The following MRAP2 variants were observed in gnomAD, a reference collection of about 807,000 sequenced individuals.
MRAP2 encodes the protein melanocortin 2 receptor accessory protein 2, also known as melanocortin-2 receptor accessory protein 2.
Under a neutral mutation model 17.4 loss-of-function variants are expected in MRAP2, and 20 were observed. The ratio of observed to expected loss-of-function variants is 1.15; its 90% CI spans 0.81 to 1.67. MRAP2 has a LOEUF of 1.67. Among genes scored for constraint, MRAP2 ranks in the 40% most tolerant of loss-of-function variants. The pLI is 0.00. For synonymous variants in MRAP2, 96 were observed against 88.4 expected, an observed-to-expected ratio of 1.09 and a Z score of -0.48; for missense variants, 238 against 240.0, an observed-to-expected ratio of 0.99 and a Z score of 0.05.
the MRAP2 span, among the ~76,000 whole-genome samples, chr6:84,110,419 C>T: frequency 1.3e-5 from 2 of 152,074 alleles, no homozygotes; most frequent in Admixed American, 6.5e-5. Flanking sequence ...TATCCTTCAC[C>T]CACTTTTTGA....
the MRAP2 span, chr6:84,125,173 CG>C: frequency 6.2e-7 from 1 of 1,613,540 alleles, no homozygotes. Flanking sequence ...TAGTTCTGTG[CG>C]GAACTTCTCC....
At chr6:84,145,815 T>C in the MRAP2 span, among the ~76,000 whole-genome samples, 1 of 152,174 alleles carries the variant, frequency 6.6e-6, no homozygotes, top group Non-Finnish European at 1.5e-5. Flanking sequence ...TAACTAGACA[T>C]ACTCAAACTG....
chr6:84,124,867 T>G, the MRAP2 span: 1 of 569,602 alleles, frequency 1.8e-6, no homozygotes, highest in Non-Finnish European at 3.0e-6. Context: ...AAAATGAGAC[T>G]GGTTAATGAT....
At chr6:84,114,452 G>T in the MRAP2 span, among the ~76,000 whole-genome samples, 1 of 151,958 alleles carries the variant, frequency 6.6e-6, no homozygotes, top group African/African-American at 2.4e-5. Flanking sequence ...TCTCTAAACT[G>T]GTCATTCTAG....
At chr6:84,141,729 CTG>C in the MRAP2 span, among the ~76,000 whole-genome samples, 1 of 152,150 alleles carries the variant, frequency 6.6e-6, no homozygotes, top group Non-Finnish European at 1.5e-5. Flanking sequence ...AAACAGAACA[CTG>C]TCTCAGGGAA....
the MRAP2 span, chr6:84,124,932 A>T: frequency 1.4e-6 from 1 of 701,358 alleles, no homozygotes; most frequent in Non-Finnish European, 2.4e-6. Flanking sequence ...AAGGCAATTT[A>T]TTTTGAAATG....
the MRAP2 span, among the ~76,000 whole-genome samples, chr6:84,099,274 C>T: frequency 1.3e-4 from 19 of 149,790 alleles, no homozygotes; most frequent in South Asian, 4.2e-4. Context: ...TGCAACTTTA[C>T]TGAAAATCAG....
At chr6:84,037,875 A>G (rs1054079007) in intron 1 of MRAP2, among the ~76,000 whole-genome samples, 8 of 152,144 alleles carry the variant, frequency 5.3e-5, no homozygotes, top group Non-Finnish European at 1.2e-4. Flanking sequence ...CGGCCAGCCC[A>G]GAGAGGGGCT....
chr6:84,110,909 G>A, the MRAP2 span, among the ~76,000 whole-genome samples: 2 of 152,172 alleles, frequency 1.3e-5, no homozygotes, highest in African/African-American at 4.8e-5. Context: ...TCAGATGGTT[G>A]TAGATGTGTG....
intron 1 of MRAP2, among the ~76,000 whole-genome samples, chr6:84,048,267 C>T (rs1441666437): frequency 2.6e-5 from 4 of 152,122 alleles, no homozygotes; most frequent in African/African-American, 7.2e-5. Context: ...TTCTCTATAC[C>T]CTCACCAACA....
chr6:84,132,025 A>G, the MRAP2 span, among the ~76,000 whole-genome samples: 53 of 152,266 alleles, frequency 3.5e-4, no homozygotes, highest in African/African-American at 1.1e-3. Flanking sequence ...GAGCTCTTGT[A>G]AGGCATGCCT....
intron 1 of MRAP2, among the ~76,000 whole-genome samples, chr6:84,034,526 C>CCGTGCCT (rs992966312): frequency 2.7e-5 from 4 of 147,782 alleles, no homozygotes; most frequent in East Asian, 2.0e-4. Context: ...GCCCCGTGCC[C>CCGTGCCT]CGTGCCTTTC....
the MRAP2 span, among the ~76,000 whole-genome samples, chr6:84,107,005 G>A: frequency 3.0e-4 from 45 of 152,096 alleles, no homozygotes; most frequent in Non-Finnish European, 5.3e-4. Context: ...CTGTAAAATC[G>A]TAAAGGCTTG....
At chr6:84,132,046 A>C in the MRAP2 span, among the ~76,000 whole-genome samples, 3 of 152,182 alleles carry the variant, frequency 2.0e-5, no homozygotes, top group Admixed American at 6.5e-5. Flanking sequence ...GGTGGTGACA[A>C]AATCTCTCAG....
At chr6:84,088,928 G>A (rs2480197) in intron 3 of MRAP2, among the ~76,000 whole-genome samples, 163 bp from the exon 4 acceptor site, 26,706 of 152,088 alleles carry the variant, frequency 0.18, 4,558 homozygotes, top group African/African-American at 0.44. Context: ...ACTCAGAAGG[G>A]ATTTCTCTTA....
At chr6:84,070,782 T>G (rs1588647993) in intron 3 of MRAP2, among the ~76,000 whole-genome samples, 2 of 152,188 alleles carry the variant, frequency 1.3e-5, no homozygotes, top group Non-Finnish European at 2.9e-5. Flanking sequence ...ATTGTGATAT[T>G]TTCCTGTTGG....
chr6:84,081,447 T>C (rs1033365606), intron 3 of MRAP2, among the ~76,000 whole-genome samples: 1 of 152,244 alleles, frequency 6.6e-6, no homozygotes, highest in African/African-American at 2.4e-5. Flanking sequence ...TAGGAGGTGA[T>C]TGGATCATGG....
the MRAP2 span, among the ~76,000 whole-genome samples, chr6:84,127,248 C>T: frequency 3.3e-5 from 5 of 152,008 alleles, no homozygotes; most frequent in Non-Finnish European, 7.4e-5. Context: ...CAAAAGGCAA[C>T]AAAAACCAAA....
the MRAP2 span, among the ~76,000 whole-genome samples, chr6:84,113,669 C>T: frequency 6.6e-6 from 1 of 152,152 alleles, no homozygotes; most frequent in Non-Finnish European, 1.5e-5. Flanking sequence ...GATGCAGTTT[C>T]TTCATAGTGT....
Sources: allele counts gnomAD v4.1 joint callset (sites outside exome capture counted in the v4.1 genomes callset), GRCh38; gene constraint gnomAD v4.1.1; transcripts MANE v1.5; gene names NCBI Gene and HGNC (gene_info 2026-07-23, HGNC 2026-07-21).